Variants in SUOX observed in about 807,000 individuals in gnomAD.
SUOX encodes sulfite oxidase, mitochondrial.
Under a neutral mutation model 41.9 loss-of-function variants are expected in SUOX, and 39 were observed. The ratio of observed to expected loss-of-function variants is 0.93; its 90% CI spans 0.72 to 1.21. SUOX has a LOEUF of 1.21. SUOX is among the 50% of genes most tolerant of loss of function. The pLI is 0.00. For missense variants in SUOX, 633 were observed against 689.5 expected (o/e 0.92, Z 0.92); for synonymous variants, 220 against 268.4 (o/e 0.82, Z 1.76).
Position 56,003,686 on chromosome 12 carries a change from G to A in SUOX, c.297G>A (p.Gly99=), listed in dbSNP as rs750302299. 1 of 1,613,624 alleles carries A rather than the reference G, an allele frequency of 6.2e-7. No homozygotes were observed. ...EVSSHTSPET[G]IWVTLGSEVF... ...GTTCCCACACCAGCCCTGAGACTGGGATCTGGGTGACTCTGGGCTCTGAGG... is the reference window on the plus strand; with the variant it reads ...GTTCCCACACCAGCCCTGAGACTGGAATCTGGGTGACTCTGGGCTCTGAGG... Residue 99 remains glycine (G), a synonymous_variant, in exon 5 of 5, where the codon GGG becomes GGA. Transcript: ENST00000266971.
chr12:55,998,504 G>A (rs1245637363), intron 2 of SUOX, among the ~76,000 whole-genome samples: 1 of 149,256 alleles, frequency 6.7e-6, no homozygotes, highest in South Asian at 2.2e-4. Flanking sequence ...CTGAGATCAC[G>A]CCACTGCACT....
At chr12:56,001,962 T>C (rs1193689106) in intron 2 of SUOX, 5 of 1,368,408 alleles carry the variant, frequency 3.7e-6, no homozygotes, top group Middle Eastern at 2.8e-4. Flanking sequence ...ATTCTGATTC[T>C]AGAAGCACCC....
Position 56,004,450 on chromosome 12 carries a change from G to A in SUOX, c.1061G>A (p.Gly354Glu). The A allele has an allele frequency of 6.2e-7, 1 of 1,614,168 alleles. No homozygotes were observed. The highest frequency in any genetic ancestry group is 8.5e-7 in the Non-Finnish European group (1 of 1,180,034). ...AEVLLAYEMNGQPLPRDHGFP... is the reference protein window; with the variant it reads ...AEVLLAYEMNEQPLPRDHGFP... ...GTCCTGCTGGCATATGAGATGAATG[G>A]GCAGCCTCTGCCACGTGACCACGGC... Residue 354 changes from glycine to glutamate, a missense_variant, in exon 5 of 5, where the codon GGG becomes GAG. Physicochemically the swap from Gly to Glu is moderately conservative, Grantham distance 98 (BLOSUM62 -2). Transcript: ENST00000266971. The surrounding 1 kb of genome is among the most constrained non-coding windows in gnomAD (Gnocchi z 4.5).
chr12:56,003,032 C>CAAAAAA, intron 4 of SUOX: 1 of 218,180 alleles, frequency 4.6e-6, no homozygotes, highest in Non-Finnish European at 8.9e-6. Flanking sequence ...GACTCCATCT[C>CAAAAAA]AAAAAAAAAA....
chr12:56,000,912 C>T (rs1890495551), intron 2 of SUOX, among the ~76,000 whole-genome samples: 1 of 151,096 alleles, frequency 6.6e-6, no homozygotes, highest in Admixed American at 6.6e-5. Flanking sequence ...TCCGGAGTAG[C>T]AGGGACTACA....
intron 2 of SUOX, among the ~76,000 whole-genome samples, chr12:56,001,007 G>C (rs963884214): frequency 1.3e-5 from 2 of 151,572 alleles, no homozygotes; most frequent in Admixed American, 6.6e-5. Flanking sequence ...GGATGGTTTC[G>C]ATCTCCTGAC....
chr12:56,001,921 A>G (rs1028253813), intron 2 of SUOX: 2 of 1,291,672 alleles, frequency 1.5e-6, no homozygotes, highest in Non-Finnish European at 2.0e-6. Flanking sequence ...TATGGTGGAC[A>G]AAGTTCAGAA....
At chr12:55,998,983 G>T (rs868083773) in intron 2 of SUOX, among the ~76,000 whole-genome samples, 9 of 144,764 alleles carry the variant, frequency 6.2e-5, no homozygotes, top group South Asian at 2.2e-4. Context: ...CAGTTAATTT[G>T]TTTTTTTTTT....
At chr12:55,998,884 G>A (rs545694436) in intron 2 of SUOX, among the ~76,000 whole-genome samples, 39 of 150,712 alleles carry the variant, frequency 2.6e-4, no homozygotes, top group African/African-American at 9.0e-4. Context: ...TTGCAGTCTC[G>A]ACCTCCTGGA....
chr12:55,998,433 G>A (rs979293057), intron 2 of SUOX, among the ~76,000 whole-genome samples: 6 of 151,242 alleles, frequency 4.0e-5, no homozygotes, highest in African/African-American at 9.7e-5. Flanking sequence ...TGTGGTCCCC[G>A]CTACTCAGGA....
rs1890579284 is a variant in SUOX, at chr12:56,002,697, G to GC, written c.207dup (p.Tyr70LeufsTer7). On this transcript the variant is annotated frameshift_variant, in exon 4 of 5. Transcript: ENST00000266971. LOFTEE classifies it high-confidence loss of function. ...CCTATTAGGTCTCGGTGCAGTGTTG[G>GC]CCTATCAGGACCATCGGTGTAGGGT... 6.2e-7 allele frequency: 1 copy of GC among 1,613,968 alleles called. No homozygotes were observed. The highest frequency in any genetic ancestry group is 8.5e-7 in the Non-Finnish European group (1 of 1,180,032).
Position 56,002,230 on chromosome 12 carries a change from G to C in SUOX, c.9G>C (p.Leu3=), listed in dbSNP as rs1464593509. The C allele has an allele frequency of 6.2e-7, 1 of 1,613,032 alleles. No individual in the cohort carries two copies. The highest frequency in any genetic ancestry group is 8.5e-7 in the Non-Finnish European group (1 of 1,180,030). The change falls in exon 3 of 5, where the codon CTG becomes CTC. Residue 3 remains leucine, a synonymous_variant. Coordinates refer to ENST00000266971, the MANE Select transcript of SUOX (RefSeq NM_001032386.2). ...TCTACAGGTCTGCTACAATGCTGCTGCTGCACAGAGCTGTGGTCCTCAGGC... is the reference window on the plus strand; with the variant it reads ...TCTACAGGTCTGCTACAATGCTGCTCCTGCACAGAGCTGTGGTCCTCAGGC... ML[L]LHRAVVLRLQ...
Position 56,005,407 on chromosome 12 carries a change from G to A in SUOX, c.*380G>A. On this transcript the variant is annotated 3_prime_UTR_variant, in exon 5 of 5. Coordinates refer to ENST00000266971, the MANE Select transcript of SUOX (RefSeq NM_001032386.2). ...TGTGTGTGGCATGTGTAAGAAAAGT[G>A]TATATACTATCTTATACTACCTCTC... The A allele has an allele frequency of 3.6e-6, 2 of 560,962 alleles. No individual in the cohort carries two copies. The highest frequency in any genetic ancestry group is 2.8e-5 in the East Asian group (1 of 35,302). 34.7% of individuals were successfully genotyped at this position (560,962 alleles called of 1,614,324 possible).
chr12:56,004,934 C>T lies in SUOX; in HGVS notation c.1545C>T (p.Tyr515=), dbSNP rs2136513432. 6.2e-7 allele frequency: 1 copy of T among 1,614,192 alleles called. No homozygotes were observed. Among genetic ancestry groups the T allele is most frequent in the East Asian group, 2.2e-5 (1 of 44,892 alleles). ...TTTGTAAGGCTGTGGATGATGGTTA[C>T]AATGTGCAGCCAGACACCGTGGCCC... The part of the protein sequence containing the change: ...NIVCKAVDDG[Y]NVQPDTVAPI... The change falls in exon 5 of 5, where the codon TAC becomes TAT. Residue 515 remains tyrosine (Y), a synonymous_variant. Transcript: ENST00000266971. This position sits in a 1 kb window ranked among gnomAD's most constrained non-coding sequence, Gnocchi z 4.5.
At chr12:56,002,085 C>T in intron 2 of SUOX, 127 bp from the exon 3 acceptor site, 1 of 1,488,270 alleles carries the variant, frequency 6.7e-7, no homozygotes, top group Non-Finnish European at 9.1e-7. Flanking sequence ...ACTCTCAAGA[C>T]TCCTCACTTG....
chr12:55,998,069 T>A (rs570461624), intron 2 of SUOX, among the ~76,000 whole-genome samples: 1 of 152,164 alleles, frequency 6.6e-6, no homozygotes, highest in African/African-American at 2.4e-5. Flanking sequence ...GGACCCTAGG[T>A]TGGGGTCCAG....
Position 56,005,354 on chromosome 12 carries a change from GCTTTT to G in SUOX, c.*333_*337del, listed in dbSNP as rs1890705158. The G allele has an allele frequency of 1.7e-6, 1 of 585,328 alleles. No homozygotes were observed. The highest frequency in any genetic ancestry group is 3.0e-6 in the Non-Finnish European group (1 of 329,780). The allele number at this position is 585,328 out of a possible 1,614,324, so 36.3% of individuals were successfully genotyped here. A position where few individuals can be genotyped will look rare whatever the true frequency, so the allele number is the denominator to read the frequency against. Reference sequence around the variant, plus strand: ...CCTACTGCCATCAAGGCCTTGTTTTGCTTTTCTTTTTGGATTGTTCAGAGAAATGT... The same window carrying G: ...CCTACTGCCATCAAGGCCTTGTTTTGCTTTTTGGATTGTTCAGAGAAATGT... On this transcript the variant is annotated 3_prime_UTR_variant, in exon 5 of 5. Transcript: ENST00000266971.
chr12:55,999,152 T>C (rs1369944848), intron 2 of SUOX, among the ~76,000 whole-genome samples: 2 of 152,068 alleles, frequency 1.3e-5, no homozygotes, highest in Admixed American at 6.5e-5. Flanking sequence ...CACATTCATA[T>C]AACTTTTTTT....
At position 55,997,658 on chromosome 12, in the gene SUOX, G is replaced by A. The variant is rs1206019759; in HGVS notation, c.-76G>A. 6.6e-6 allele frequency: 1 copy of A among 152,282 alleles called. No individual in the cohort carries two copies. The highest frequency in any genetic ancestry group is 1.5e-5 in the Non-Finnish European group (1 of 68,106). The allele number at this position is 152,282 out of a possible 1,614,324, so 9.4% of individuals were successfully genotyped here. ...AAACCTGGGATTCTGGGCTCACTGA[G>A]TTCACCTGCGAGTCAGCCCTACCTG... is the stretch of plus-strand genomic sequence containing the variant. On this transcript the variant is annotated 5_prime_UTR_variant, in exon 2 of 5. Coordinates refer to ENST00000266971, the MANE Select transcript of SUOX (RefSeq NM_001032386.2).
Sources: allele counts gnomAD v4.1 joint callset (sites outside exome capture counted in the v4.1 genomes callset), GRCh38; gene constraint gnomAD v4.1.1; non-coding constraint Gnocchi (gnomAD v3.1); transcripts MANE v1.5; gene names NCBI Gene and HGNC (gene_info 2026-07-23, HGNC 2026-07-21).